SLC16A2: variants seen among roughly 807,000 people sequenced by gnomAD.
SLC16A2 encodes the protein solute carrier family 16 member 2.
SLC16A2 carries 3 observed loss-of-function variants against 27.2 expected under a neutral mutation model. The observed-to-expected ratio is 0.11, with a 90% confidence interval of 0.05 to 0.28. SLC16A2 has a LOEUF of 0.28. Ranked by LOEUF, SLC16A2 falls within the 10% of genes least tolerant of loss-of-function variation. The pLI is 1.00. For synonymous variants in SLC16A2, 202 were observed against 187.8 expected (o/e 1.08, Z -0.62); for missense variants, 295 against 458.5 (o/e 0.64, Z 3.26).
chrX:74,440,801 GGT>G (rs35869235), intron 1 of SLC16A2, among the ~76,000 whole-genome samples: 61 of 102,975 alleles, frequency 5.9e-4, no homozygotes, highest in African/African-American at 1.3e-3. Flanking sequence ...AATAAATGAG[GGT>G]GTGTGTGTGT....
chrX:74,521,222 A>G, intron 2 of SLC16A2, 88 bp downstream of exon 2: 2 of 1,086,621 alleles, frequency 1.8e-6, no homozygotes, highest in Non-Finnish European at 2.5e-6. Context: ...CTCACTGCAG[A>G]ATCCCCTGTG....
intron 1 of SLC16A2, among the ~76,000 whole-genome samples, chrX:74,491,737 C>T (rs1375799961): frequency 8.9e-6 from 1 of 112,514 alleles, no homozygotes; most frequent in Non-Finnish European, 1.9e-5. Flanking sequence ...TCTTGCTATT[C>T]TTACCAAGAT....
chrX:74,533,837 G>A lies in SLC16A2; in HGVS notation c.*2284G>A, dbSNP rs937015288. Reference sequence around the variant, plus strand: ...TATGCACCACAGTTAAATCTAGAACGAACAAAATTTCAGAGCTCAAGACAT... The same window carrying A: ...TATGCACCACAGTTAAATCTAGAACAAACAAAATTTCAGAGCTCAAGACAT... On this transcript the variant is annotated 3_prime_UTR_variant, in exon 6 of 6. Coordinates refer to ENST00000587091, the MANE Select transcript of SLC16A2 (RefSeq NM_006517.5). 3 of 112,544 alleles carry A rather than the reference G, an allele frequency of 2.7e-5. No homozygotes were observed. Among genetic ancestry groups the A allele is most frequent in the Admixed American group, 9.4e-5 (1 of 10,634 alleles). The allele number at this position is 112,544 out of a possible 1,213,427, so 9.3% of individuals were successfully genotyped here.
At chrX:74,471,937 A>C (rs979091702) in intron 1 of SLC16A2, among the ~76,000 whole-genome samples, 13 of 112,566 alleles carry the variant, frequency 1.2e-4, no homozygotes, top group African/African-American at 3.9e-4. Context: ...TTCACTTAGC[A>C]TAATGTCTTC....
intron 4 of SLC16A2, among the ~76,000 whole-genome samples, chrX:74,527,030 C>A (rs1465275850): frequency 8.9e-6 from 1 of 112,083 alleles, no homozygotes; most frequent in Non-Finnish European, 1.9e-5. Context: ...GCAGCAGCCC[C>A]TGCCTAGTCG....
chrX:74,530,580 A>G lies in SLC16A2; in HGVS notation c.1400-753A>G, dbSNP rs768600365. Among the ~76,000 whole-genome samples the G allele has an allele frequency of 8.0e-5, 9 of 112,246 alleles. 1 individual carries two copies. The South Asian group carries it at 3.0e-3, about 37-fold the overall frequency. On this transcript the variant is annotated intron_variant, in intron 5 of 5. Coordinates refer to ENST00000587091, the MANE Select transcript of SLC16A2 (RefSeq NM_006517.5). Reference sequence around the variant, plus strand: ...ACTCAGGCTTCTGGGCAACAGCCACACTACCCATTGGGGGAAGGGGGCCTC... The same window carrying G: ...ACTCAGGCTTCTGGGCAACAGCCACGCTACCCATTGGGGGAAGGGGGCCTC...
chrX:74,519,647 C>T (rs1405678922), intron 1 of SLC16A2, among the ~76,000 whole-genome samples: 2 of 90,342 alleles, frequency 2.2e-5, no homozygotes, highest in East Asian at 3.6e-4. Context: ...ACCCAGGAGG[C>T]GGAGCTTGCA....
At chrX:74,467,052 C>T (rs1929263883) in intron 1 of SLC16A2, among the ~76,000 whole-genome samples, 1 of 106,665 alleles carries the variant, frequency 9.4e-6, no homozygotes, top group Non-Finnish European at 1.9e-5. Context: ...ACCATATGCC[C>T]AGATAGCTCT....
chrX:74,524,899 T>C (rs1261319922), intron 3 of SLC16A2, 90 bp downstream of exon 3: 5 of 798,811 alleles, frequency 6.3e-6, no homozygotes, highest in East Asian at 3.2e-5. Flanking sequence ...GTGGGAGACA[T>C]TGAAAGGGCA....
chrX:74,455,601 G>C (rs1480755669), intron 1 of SLC16A2, among the ~76,000 whole-genome samples: 1 of 110,781 alleles, frequency 9.0e-6, no homozygotes, highest in East Asian at 2.8e-4. Context: ...GTGGAGTAAG[G>C]GGTAGTGGAG....
chrX:74,484,572 A>G (rs1016225319), intron 1 of SLC16A2, among the ~76,000 whole-genome samples: 1 of 112,087 alleles, frequency 8.9e-6, no homozygotes, highest in Non-Finnish European at 1.9e-5. Flanking sequence ...AATGAGGCAT[A>G]TTCAACTCCC....
intron 2 of SLC16A2, among the ~76,000 whole-genome samples, chrX:74,523,539 T>G (rs1265823302): frequency 8.9e-6 from 1 of 112,231 alleles, no homozygotes; most frequent in Non-Finnish European, 1.9e-5. Flanking sequence ...CTTCTGACCC[T>G]TTATGTTACA....
rs1929633561 is a variant in SLC16A2, at chrX:74,482,195, A to G, written c.431-38795A>G. On this transcript the variant is annotated intron_variant, in intron 1 of 5. Transcript: ENST00000587091. ...CTTATTGGAATTCCTCTTATATGTG[A>G]TAACTAATTTTCTCTTGCTACTTTT... Among the ~76,000 whole-genome samples the G allele has an allele frequency of 2.7e-5, 3 of 111,270 alleles. No individual in the cohort carries two copies. The South Asian group carries it at 1.1e-3, about 42-fold the overall frequency.
chrX:74,508,673 G>A (rs1164322156), intron 1 of SLC16A2, among the ~76,000 whole-genome samples: 1 of 111,124 alleles, frequency 9.0e-6, no homozygotes, highest in Non-Finnish European at 1.9e-5. Flanking sequence ...CTACCTGTGT[G>A]TCTTCTATTT....
chrX:74,503,956 A>G (rs1047982042), intron 1 of SLC16A2, among the ~76,000 whole-genome samples: 26 of 112,049 alleles, frequency 2.3e-4, no homozygotes, highest in Admixed American at 1.8e-3. Context: ...ATGAAATAGC[A>G]TAGCTAATAT....
At chrX:74,429,135 A>T (rs1048745410) in intron 1 of SLC16A2, among the ~76,000 whole-genome samples, 3 of 110,790 alleles carry the variant, frequency 2.7e-5, no homozygotes, top group Non-Finnish European at 5.7e-5. Flanking sequence ...GTGAGCCATG[A>T]TCACCACTGC....
At chrX:74,456,415 G>A (rs1457055311) in intron 1 of SLC16A2, among the ~76,000 whole-genome samples, 1 of 111,136 alleles carries the variant, frequency 9.0e-6, no homozygotes, top group Admixed American at 9.6e-5. Flanking sequence ...GAATAAGAGA[G>A]CAGTTGAGGT....
chrX:74,440,517 A>G (rs1288323370), intron 1 of SLC16A2, among the ~76,000 whole-genome samples: 1 of 94,398 alleles, frequency 1.1e-5, no homozygotes, highest in Non-Finnish European at 2.0e-5. Flanking sequence ...TCTGAATATA[A>G]ATTCCTTTTT....
chrX:74,524,777 G>T lies in SLC16A2; in HGVS notation c.994G>T (p.Ala332Ser). ...RIWAFGIAAA[A>S]LGYFVPYVHL... Reference sequence around the variant, plus strand: ...CTGGGCCTTCGGAATTGCTGCTGCTGCCCTTGGCTACTTTGTTCCCTATGT... The same window carrying T: ...CTGGGCCTTCGGAATTGCTGCTGCTTCCCTTGGCTACTTTGTTCCCTATGT... Residue 332 changes from alanine (A) to serine (S), a missense_variant, in exon 3 of 6, where the codon GCC becomes TCC. Physicochemically the swap from Ala to Ser is moderately conservative, Grantham distance 99. Transcript: ENST00000587091. 1 of 1,210,689 alleles carries T rather than the reference G, an allele frequency of 8.3e-7. No homozygotes were observed. The highest frequency in any genetic ancestry group is 1.8e-5 in the South Asian group (1 of 56,962).
Sources: allele counts gnomAD v4.1 joint callset (sites outside exome capture counted in the v4.1 genomes callset), GRCh38; gene constraint gnomAD v4.1.1; transcripts MANE v1.5; gene names NCBI Gene and HGNC (gene_info 2026-07-23, HGNC 2026-07-21).